Variants in CCSER1 observed in about 807,000 individuals in gnomAD.
The protein encoded by CCSER1 is coiled-coil serine rich protein 1.
In CCSER1, 41 loss-of-function variants were observed where a neutral mutation model predicts 82.0. The observed-to-expected ratio is 0.50, with a 90% CI of 0.39 to 0.65. The LOEUF is 0.65. CCSER1 is among the 30% of genes least tolerant of loss of function. CCSER1 has a pLI of 0.00. For synonymous variants in CCSER1, 414 were observed against 383.9 expected, an observed-to-expected ratio of 1.08 and a Z score of -0.92; for missense variants, 1,119 against 1,064.2, an observed-to-expected ratio of 1.05 and a Z score of -0.72.
intron 3 of CCSER1, among the ~76,000 whole-genome samples, chr4:90,350,793 G>C (rs1221089623): frequency 6.6e-6 from 1 of 151,994 alleles, no homozygotes; most frequent in African/African-American, 2.4e-5. Context: ...GAAAAGCATA[G>C]TCAACCATAT....
chr4:91,591,225 C>T (rs1328946290), intron 10 of CCSER1, among the ~76,000 whole-genome samples: 1 of 151,962 alleles, frequency 6.6e-6, no homozygotes, highest in Non-Finnish European at 1.5e-5. Flanking sequence ...AATGAAAATG[C>T]TTATTTACAT....
chr4:90,462,467 A>G (rs1007988017), intron 4 of CCSER1, among the ~76,000 whole-genome samples: 1 of 152,196 alleles, frequency 6.6e-6, no homozygotes, highest in Non-Finnish European at 1.5e-5. Flanking sequence ...ACTTAAAGCT[A>G]ACAGACTATG....
At chr4:90,593,284 T>G (rs1782926164) in intron 5 of CCSER1, among the ~76,000 whole-genome samples, 1 of 152,098 alleles carries the variant, frequency 6.6e-6, no homozygotes, top group Non-Finnish European at 1.5e-5. Context: ...ACCAGTTAAA[T>G]CATAGTGTTA....
chr4:91,397,054 A>G (rs1343765744), intron 10 of CCSER1, among the ~76,000 whole-genome samples: 1 of 152,058 alleles, frequency 6.6e-6, no homozygotes, highest in Non-Finnish European at 1.5e-5. Context: ...CTGGCTCTGT[A>G]TTGTTTATCC....
intron 10 of CCSER1, among the ~76,000 whole-genome samples, chr4:91,457,704 A>C (rs1439186671): frequency 6.6e-6 from 1 of 152,090 alleles, no homozygotes; most frequent in Non-Finnish European, 1.5e-5. Flanking sequence ...GTTTTACTTG[A>C]GATTTTTTTG....
intron 1 of CCSER1, among the ~76,000 whole-genome samples, chr4:90,265,992 G>A (rs1725166165): frequency 6.6e-6 from 1 of 152,058 alleles, no homozygotes; most frequent in African/African-American, 2.4e-5. Context: ...ATATTTTGCA[G>A]CAAGATGTTT....
chr4:90,858,142 T>C (rs1272988981), intron 8 of CCSER1, among the ~76,000 whole-genome samples: 1 of 152,094 alleles, frequency 6.6e-6, no homozygotes, highest in Non-Finnish European at 1.5e-5. Flanking sequence ...TCTAGCTTAT[T>C]AGATTGTGAT....
rs565005899 is a variant in CCSER1 at position 91,012,775 on chromosome 4, G to A, written c.2173-73175G>A. On this transcript the variant is annotated intron_variant, in intron 9 of 10. Coordinates refer to ENST00000509176, the MANE Select transcript of CCSER1 (RefSeq NM_001145065.2). ...GGGGATGGTGTTGGCTTATTCTCTC[G>A]GGGAGGATAGCTATTTGAACACTAG... 1.2e-4 allele frequency among the ~76,000 whole-genome samples: 10 copies of A among 83,556 alleles called. 2 individuals are homozygous for A. The highest frequency in any genetic ancestry group is 1.7e-4 in the African/African-American group (6 of 34,642). The allele number at this position is 83,556 out of a possible 152,430, so 54.8% of individuals were successfully genotyped here.
At chr4:91,080,999 T>G (rs1483052596) in intron 9 of CCSER1, among the ~76,000 whole-genome samples, 1 of 152,184 alleles carries the variant, frequency 6.6e-6, no homozygotes, top group African/African-American at 2.4e-5. Context: ...GCTGGTTCCA[T>G]GCCTTCTGAA....
chr4:90,507,596 A>G (rs1020306619), intron 5 of CCSER1, among the ~76,000 whole-genome samples: 4 of 152,116 alleles, frequency 2.6e-5, no homozygotes, highest in Non-Finnish European at 5.9e-5. Context: ...TTTATAGTCT[A>G]TAATGGTCAA....
intron 10 of CCSER1, among the ~76,000 whole-genome samples, chr4:91,461,041 C>A (rs879888492): frequency 1.2e-4 from 18 of 152,222 alleles, no homozygotes; most frequent in Non-Finnish European, 2.2e-4. Flanking sequence ...GAAATGGAAA[C>A]ACATACCACT....
At chr4:90,977,605 A>G (rs1581247505) in intron 9 of CCSER1, among the ~76,000 whole-genome samples, 1 of 151,656 alleles carries the variant, frequency 6.6e-6, no homozygotes, top group Non-Finnish European at 1.5e-5. Flanking sequence ...TTAATTTCCT[A>G]TTCATTCTTC....
At chr4:90,640,963 A>T (rs891921276) in intron 6 of CCSER1, among the ~76,000 whole-genome samples, 9 of 152,138 alleles carry the variant, frequency 5.9e-5, no homozygotes, top group African/African-American at 2.2e-4. Flanking sequence ...AACTGCTCAG[A>T]TTTGAATTTC....
intron 10 of CCSER1, among the ~76,000 whole-genome samples, chr4:91,142,458 C>G (rs1260725248): frequency 6.6e-6 from 1 of 152,122 alleles, no homozygotes; most frequent in Non-Finnish European, 1.5e-5. Flanking sequence ...GTGCAAAACT[C>G]TATACTTTAA....
intron 1 of CCSER1, among the ~76,000 whole-genome samples, chr4:90,276,559 T>A (rs903923631): frequency 2.6e-5 from 4 of 152,002 alleles, no homozygotes; most frequent in Non-Finnish European, 5.9e-5. Flanking sequence ...TTGGTCAGGC[T>A]GGTCTCGAAA....
rs141233243 is a variant in CCSER1 at position 91,549,698 on chromosome 4, G to A, written c.2218-48874G>A. On this transcript the variant is annotated intron_variant, in intron 10 of 10. Coordinates refer to ENST00000509176, the MANE Select transcript of CCSER1 (RefSeq NM_001145065.2). ...CTAAAAATACAAAAATTAGACGGCC[G>A]TGCTGGTGCGCCTGTAATCCCAGCT... Among the ~76,000 whole-genome samples, 59 of 152,168 alleles carry A rather than the reference G, an allele frequency of 3.9e-4. No individual in the cohort carries two copies. The East Asian group carries it at 8.3e-3, about 21-fold the overall frequency.
intron 1 of CCSER1, among the ~76,000 whole-genome samples, chr4:90,277,871 G>T (rs1047086803): frequency 2.6e-5 from 4 of 152,090 alleles, no homozygotes; most frequent in Non-Finnish European, 4.4e-5. Context: ...CACAGCAAGA[G>T]AAACTATTAA....
At chr4:91,109,308 AT>A (rs1561555822) in intron 10 of CCSER1, among the ~76,000 whole-genome samples, 1 of 152,100 alleles carries the variant, frequency 6.6e-6, no homozygotes, top group Non-Finnish European at 1.5e-5. Context: ...CTATTGATTG[AT>A]GTATCAATCT....
At chr4:91,012,953 C>T (rs1466897417) in intron 9 of CCSER1, among the ~76,000 whole-genome samples, 1 of 133,496 alleles carries the variant, frequency 7.5e-6, no homozygotes, top group Non-Finnish European at 1.7e-5. Flanking sequence ...CCAAACTGAC[C>T]CTGGCAGGGG....
Sources: gnomAD v4.1 joint callset for allele counts (sites outside exome capture counted in the v4.1 genomes callset) on GRCh38, gnomAD v4.1.1 for gene constraint, MANE v1.5 for transcripts, NCBI Gene and HGNC (gene_info 2026-07-23, HGNC 2026-07-21) for gene names.